The following RPA3 variants were observed in gnomAD, a reference collection of about 807,000 sequenced individuals.
RPA3 encodes replication protein A 14 kDa subunit.
A neutral mutation model predicts 13.7 loss-of-function variants in RPA3; 24 were observed. The observed-to-expected ratio is 1.75, with a 90% CI of 1.27 to 2.46. The LOEUF (loss-of-function observed/expected upper bound fraction) is 2.46. RPA3 is among the 30% of genes most tolerant of loss of function. The pLI, the probability that RPA3 is intolerant of heterozygous loss-of-function variation, is 0.00. For missense variants in RPA3, 183 were observed against 151.0 expected (o/e 1.21, Z -1.11); for synonymous variants, 59 against 51.2 (o/e 1.15, Z -0.65).
intron 5 of RPA3, 89 bp from the exon 6 acceptor site, chr7:7,639,233 A>C: frequency 1.1e-6 from 1 of 873,754 alleles, no homozygotes; most frequent in Non-Finnish European, 1.8e-6. Context: ...TTGAGCACAA[A>C]TCAACTGTTT....
intron 4 of RPA3, among the ~76,000 whole-genome samples, chr7:7,659,405 G>A (rs181185279): frequency 3.3e-5 from 5 of 151,962 alleles, no homozygotes; most frequent in Non-Finnish European, 2.9e-5. Context: ...TTAGGGTGTC[G>A]ATTTTAGATC....
chr7:7,646,307 G>GT (rs35884759), intron 4 of RPA3, among the ~76,000 whole-genome samples: 98,048 of 151,430 alleles, frequency 0.65, 32,094 homozygotes, highest in East Asian at 0.88. Context: ...GTTTGGCTGT[G>GT]CCCCACTCAA....
At chr7:7,703,427 C>G (rs1046119986) in intron 2 of RPA3, among the ~76,000 whole-genome samples, 1 of 152,046 alleles carries the variant, frequency 6.6e-6, no homozygotes, top group Non-Finnish European at 1.5e-5. Flanking sequence ...TTTGTGAGTG[C>G]TCTAATTTCT....
intron 4 of RPA3, among the ~76,000 whole-genome samples, chr7:7,656,828 C>T (rs747437735): frequency 2.0e-5 from 3 of 152,060 alleles, no homozygotes; most frequent in Non-Finnish European, 4.4e-5. Context: ...GGGTATATAC[C>T]CAGTAATGGG....
chr7:7,654,911 A>AC lies in RPA3; in HGVS notation c.-757-13737_-757-13736insG, dbSNP rs939213383. ...GAGTAAGACTCTGTCTCAAAAAAAAAAAAAAAATTTGTGATATTTTTAATT... is the reference window on the plus strand; with the variant it reads ...GAGTAAGACTCTGTCTCAAAAAAAAACAAAAAAATTTGTGATATTTTTAATT... On this transcript the variant is annotated intron_variant, in intron 4 of 7. Coordinates refer to ENST00000223129, the MANE Select transcript of RPA3 (RefSeq NM_002947.5). Among the ~76,000 whole-genome samples the AC allele has an allele frequency of 5.7e-4, 86 of 151,846 alleles. 2 individuals are homozygous for AC. Among genetic ancestry groups the AC allele is most frequent in the African/African-American group, 2.0e-3 (83 of 41,386 alleles).
At chr7:7,671,803 C>G (rs920736000) in intron 4 of RPA3, among the ~76,000 whole-genome samples, 1 of 152,200 alleles carries the variant, frequency 6.6e-6, no homozygotes, top group Non-Finnish European at 1.5e-5. Flanking sequence ...AAACTGTTTT[C>G]AAACTTTTCT....
At chr7:7,637,784 T>C (rs925321862) in intron 7 of RPA3, 80 bp downstream of exon 7, 2 of 579,926 alleles carry the variant, frequency 3.4e-6, no homozygotes. Flanking sequence ...AACTGTATGT[T>C]ATGTAATTAC....
chr7:7,694,017 C>A (rs1780244167), intron 2 of RPA3, among the ~76,000 whole-genome samples: 1 of 152,062 alleles, frequency 6.6e-6, no homozygotes, highest in Admixed American at 6.5e-5. Flanking sequence ...TGATATAAGG[C>A]AACTGAGTTT....
Position 7,636,566 on chromosome 7 carries a change from C to G in RPA3, c.*434G>C, listed in dbSNP as rs1401428341. 6.4e-6 allele frequency: 1 copy of G among 156,274 alleles called. No homozygotes were observed. The highest frequency in any genetic ancestry group is 2.4e-5 in the African/African-American group (1 of 41,440). The allele number at this position is 156,274 out of a possible 1,614,324, so 9.7% of individuals were successfully genotyped here. ...AGTAGGGTATCAAGGAAATAATTAT[C>G]AAGGTATAGTTTGGGAAAAGGTGAG... On this transcript the variant is annotated 3_prime_UTR_variant, in exon 8 of 8. Coordinates refer to ENST00000223129, the MANE Select transcript of RPA3 (RefSeq NM_002947.5).
At chr7:7,638,922 G>C (rs907384422) in intron 6 of RPA3, 148 bp downstream of exon 6, 4 of 512,298 alleles carry the variant, frequency 7.8e-6, no homozygotes, top group Non-Finnish European at 1.4e-5. Flanking sequence ...TGAGAGAATA[G>C]TACAAGAATT....
intron 2 of RPA3, among the ~76,000 whole-genome samples, chr7:7,695,262 A>G (rs941020674): frequency 2.0e-5 from 3 of 152,080 alleles, no homozygotes; most frequent in Non-Finnish European, 4.4e-5. Flanking sequence ...TAATTTGTTT[A>G]CTTGCTGTCA....
At chr7:7,665,002 G>GATAT (rs61708850) in intron 4 of RPA3, among the ~76,000 whole-genome samples, 49 of 151,248 alleles carry the variant, frequency 3.2e-4, no homozygotes, top group South Asian at 1.3e-3. Flanking sequence ...GTGATATATA[G>GATAT]ATATATATAT....
chr7:7,652,768 A>C (rs989934081), intron 4 of RPA3, among the ~76,000 whole-genome samples: 5 of 152,238 alleles, frequency 3.3e-5, no homozygotes, highest in African/African-American at 1.2e-4. Flanking sequence ...CTGAGTGTTA[A>C]AAGAAGTTTG....
chr7:7,653,030 C>A, intron 4 of RPA3, among the ~76,000 whole-genome samples: 1 of 152,208 alleles, frequency 6.6e-6, no homozygotes, highest in East Asian at 1.9e-4. Context: ...AGAGGTGTGA[C>A]CTCACATCCC....
chr7:7,645,240 C>T (rs990481186), intron 4 of RPA3, among the ~76,000 whole-genome samples: 1 of 152,056 alleles, frequency 6.6e-6, no homozygotes, highest in Non-Finnish European at 1.5e-5. Context: ...TAGGATAGAG[C>T]CTTCAGTACC....
chr7:7,652,846 T>G (rs901397370), intron 4 of RPA3, among the ~76,000 whole-genome samples: 2 of 152,240 alleles, frequency 1.3e-5, no homozygotes, highest in Non-Finnish European at 2.9e-5. Flanking sequence ...AGTCAAATAA[T>G]TTTTAGTTGG....
Position 7,640,647 on chromosome 7 carries a change from G to T in RPA3, c.-229C>A. ...GAGATTGGCTGCTTAGTGACGCGCG[G>T]CGTCCCGGAAGTTGACAGATACAGG... is the stretch of plus-strand genomic sequence containing the variant. On this transcript the variant is annotated 5_prime_UTR_variant, in exon 5 of 8. Transcript: ENST00000223129. 1 of 542,576 alleles carries T rather than the reference G, an allele frequency of 1.8e-6. No homozygotes were observed. The highest frequency in any genetic ancestry group is 3.2e-5 in the East Asian group (1 of 31,026). The allele number at this position is 542,576 out of a possible 1,614,324, so 33.6% of individuals were successfully genotyped here. A position where few individuals can be genotyped will look rare whatever the true frequency, so the allele number is the denominator to read the frequency against.
In RPA3 at chr7:7,643,670, C is replaced by T. The variant is rs535757313; in HGVS notation, c.-757-2495G>A. On this transcript the variant is annotated intron_variant, in intron 4 of 7. Coordinates refer to ENST00000223129, the MANE Select transcript of RPA3 (RefSeq NM_002947.5). ...GAGCTTGCAGTGAGCCGAGATCGCG[C>T]CACTTCACTCCAACCTGGGCCACAG... is the stretch of plus-strand genomic sequence containing the variant. Among the ~76,000 whole-genome samples the T allele has an allele frequency of 2.0e-5, 3 of 150,714 alleles. No homozygotes were observed. The South Asian group carries it at 6.3e-4, about 31-fold the overall frequency.
chr7:7,688,143 G>C (rs375089588), intron 2 of RPA3, among the ~76,000 whole-genome samples: 5 of 152,288 alleles, frequency 3.3e-5, no homozygotes, highest in East Asian at 1.9e-4. Flanking sequence ...TGTATTTTTG[G>C]GGGGAGAACA....
Sources: gnomAD v4.1 joint callset for allele counts (sites outside exome capture counted in the v4.1 genomes callset) on GRCh38, gnomAD v4.1.1 for gene constraint, MANE v1.5 for transcripts, NCBI Gene and HGNC (gene_info 2026-07-23, HGNC 2026-07-21) for gene names.